PPARGC1A: variants seen among roughly 807,000 people sequenced by gnomAD.
PPARGC1A encodes the protein PPARG coactivator 1 alpha.
A neutral mutation model predicts 88.7 loss-of-function variants in PPARGC1A; 25 were observed. The observed-to-expected ratio is 0.28, with a 90% confidence interval of 0.21 to 0.39. The LOEUF (loss-of-function observed/expected upper bound fraction) is 0.39. Among genes scored for constraint, PPARGC1A ranks in the 10% least tolerant of loss-of-function variants. The pLI, the probability that PPARGC1A is intolerant of heterozygous loss-of-function variation, is 1.00. For missense variants in PPARGC1A, 880 were observed against 968.7 expected, an observed-to-expected ratio of 0.91 and a Z score of 1.22; for synonymous variants, 363 against 355.6, an observed-to-expected ratio of 1.02 and a Z score of -0.24.
upstream of PPARGC1A, among the ~76,000 whole-genome samples, chr4:23,892,704 A>T (rs1718035043): frequency 6.6e-6 from 1 of 151,792 alleles, no homozygotes; most frequent in Non-Finnish European, 1.5e-5. Context: ...CCCTTCGTCA[A>T]CTCTGTCTCC....
the PPARGC1A span, among the ~76,000 whole-genome samples, chr4:24,345,719 T>C: frequency 6.6e-6 from 1 of 152,146 alleles, no homozygotes; most frequent in African/African-American, 2.4e-5. Context: ...AATCATATCG[T>C]CAGCAAACAG....
chr4:23,955,410 C>G, the PPARGC1A span, among the ~76,000 whole-genome samples: 1 of 150,282 alleles, frequency 6.7e-6, no homozygotes, highest in African/African-American at 2.4e-5. Context: ...TAAATTACTC[C>G]CTAGTATCTA....
chr4:24,403,569 A>G, the PPARGC1A span, among the ~76,000 whole-genome samples: 1 of 152,194 alleles, frequency 6.6e-6, no homozygotes, highest in African/African-American at 2.4e-5. Context: ...CTCTGATTGA[A>G]CAGAAATGTG....
At chr4:23,826,596 A>G (rs1723989157) in intron 5 of PPARGC1A, among the ~76,000 whole-genome samples, 1 of 152,094 alleles carries the variant, frequency 6.6e-6, no homozygotes, top group Admixed American at 6.5e-5. Flanking sequence ...TTGTTCATGT[A>G]TTTTCCGCAT....
the PPARGC1A span, among the ~76,000 whole-genome samples, chr4:24,417,181 CAG>C: frequency 6.6e-6 from 1 of 152,034 alleles, no homozygotes; most frequent in South Asian, 2.1e-4. Flanking sequence ...AGGGAGGAAA[CAG>C]AATGTAAAGT....
chr4:24,125,488 CTT>C, the PPARGC1A span, among the ~76,000 whole-genome samples: 1 of 152,136 alleles, frequency 6.6e-6, no homozygotes. Flanking sequence ...GGGATCCTCT[CTT>C]CTCACAGAAG....
At chr4:23,990,391 C>T in the PPARGC1A span, among the ~76,000 whole-genome samples, 1 of 151,750 alleles carries the variant, frequency 6.6e-6, no homozygotes, top group Non-Finnish European at 1.5e-5. Context: ...ACAGCACCAC[C>T]TTATCACAGT....
chr4:24,049,890 A>G, the PPARGC1A span, among the ~76,000 whole-genome samples: 3 of 152,144 alleles, frequency 2.0e-5, no homozygotes, highest in Admixed American at 6.5e-5. Context: ...TCTCTTGCTG[A>G]GAAGGGGAAA....
chr4:23,953,254 G>T, the PPARGC1A span, among the ~76,000 whole-genome samples: 1 of 152,130 alleles, frequency 6.6e-6, no homozygotes, highest in South Asian at 2.1e-4. Flanking sequence ...GACATGTTTG[G>T]TCAACTAAGA....
the PPARGC1A span, among the ~76,000 whole-genome samples, chr4:24,409,292 T>C: frequency 6.6e-6 from 1 of 152,214 alleles, no homozygotes; most frequent in South Asian, 2.1e-4. Context: ...CCTCAGCATG[T>C]CCATCTTTAA....
chr4:23,794,786 C>T lies in PPARGC1A; in HGVS notation c.*1036G>A, dbSNP rs1328933201. ...GAATGTAGCAATTACACTATCTGAA[C>T]ACATCTCAGAGAGTTCTACCCAACT... On this transcript the variant is annotated 3_prime_UTR_variant, in exon 13 of 13. Transcript: ENST00000264867. 1 of 152,452 alleles carries T rather than the reference C, an allele frequency of 6.6e-6. No homozygotes were observed. Among genetic ancestry groups the T allele is most frequent in the African/African-American group, 2.4e-5 (1 of 41,384 alleles). 9.4% of individuals were successfully genotyped at this position (152,452 alleles called of 1,614,324 possible). A position where few individuals can be genotyped will look rare whatever the true frequency, so the allele number is the denominator to read the frequency against.
At chr4:24,339,229 T>C in the PPARGC1A span, among the ~76,000 whole-genome samples, 24,559 of 99,046 alleles carry the variant, frequency 0.25, 2,573 homozygotes, top group East Asian at 0.36. Context: ...TATATATATA[T>C]ATATATATAC....
At chr4:23,906,842 G>A (rs1165546899), upstream of PPARGC1A, among the ~76,000 whole-genome samples, 1 of 152,094 alleles carries the variant, frequency 6.6e-6, no homozygotes, top group East Asian at 1.9e-4. Flanking sequence ...TCACTGTGGT[G>A]CCAGCCTTCA....
the PPARGC1A span, among the ~76,000 whole-genome samples, chr4:23,977,604 T>C: frequency 1.3e-5 from 2 of 152,190 alleles, no homozygotes; most frequent in Admixed American, 6.5e-5. Flanking sequence ...GATGGATTGA[T>C]AGGTGCAGCA....
chr4:24,139,973 A>G, the PPARGC1A span, among the ~76,000 whole-genome samples: 4 of 152,162 alleles, frequency 2.6e-5, no homozygotes, highest in South Asian at 8.3e-4. Context: ...AAACAAACAA[A>G]TGAAAACAGG....
chr4:24,212,614 G>A, the PPARGC1A span, among the ~76,000 whole-genome samples: 1,178 of 152,268 alleles, frequency 7.7e-3, 7 homozygotes, highest in Non-Finnish European at 0.012. Context: ...TACATCAACA[G>A]TAAAAAGGCT....
chr4:24,334,949 C>A, the PPARGC1A span, among the ~76,000 whole-genome samples: 1 of 152,190 alleles, frequency 6.6e-6, no homozygotes, highest in South Asian at 2.1e-4. Flanking sequence ...CGAGGCAAGA[C>A]TAATTGTAAG....
intron 12 of PPARGC1A, among the ~76,000 whole-genome samples, chr4:23,796,380 C>T (rs1233160349): frequency 1.3e-5 from 2 of 152,164 alleles, no homozygotes; most frequent in South Asian, 2.1e-4. Context: ...CAACCTGATG[C>T]TTCTCTTTGA....
chr4:23,868,315 C>T (rs1431536126), intron 2 of PPARGC1A, among the ~76,000 whole-genome samples: 5 of 150,066 alleles, frequency 3.3e-5, no homozygotes, highest in Non-Finnish European at 7.5e-5. Flanking sequence ...AGACACACAG[C>T]ATACTGCTGT....
Sources: gnomAD v4.1 joint callset for allele counts (sites outside exome capture counted in the v4.1 genomes callset) on GRCh38, gnomAD v4.1.1 for gene constraint, MANE v1.5 for transcripts, NCBI Gene and HGNC (gene_info 2026-07-23, HGNC 2026-07-21) for gene names.